Variants in CBLL1 observed in about 807,000 individuals in gnomAD.
The protein encoded by CBLL1 is E3 ubiquitin-protein ligase Hakai.
CBLL1 carries 4 observed loss-of-function variants against 44.9 expected under a neutral mutation model. The observed-to-expected ratio is 0.09, with a 90% CI of 0.04 to 0.20. CBLL1 has a LOEUF of 0.20. Ranked by LOEUF, CBLL1 falls within the 10% of genes least tolerant of loss-of-function variation. The pLI, the probability that CBLL1 is intolerant of heterozygous loss-of-function variation, is 1.00. For synonymous variants in CBLL1, 235 were observed against 202.2 expected (o/e 1.16, Z -1.38); for missense variants, 569 against 636.7 (o/e 0.89, Z 1.14).
intron 1 of CBLL1, 70 bp from the exon 2 acceptor site, chr7:107,748,810 A>G (rs1284349821): frequency 7.4e-7 from 1 of 1,352,912 alleles, no homozygotes; most frequent in Non-Finnish European, 1.0e-6. Context: ...ATGGTGTTTT[A>G]ATACCTGTGG....
intron 1 of CBLL1, chr7:107,744,610 A>G (rs1792917433): frequency 5.5e-6 from 1 of 181,906 alleles, no homozygotes; most frequent in Non-Finnish European, 1.1e-5. Flanking sequence ...TGTCTCAGTC[A>G]GCTTTGGGCG....
chr7:107,755,337 A>G (rs1198539683), intron 4 of CBLL1, 81 bp from the exon 5 acceptor site: 3 of 562,698 alleles, frequency 5.3e-6, no homozygotes, highest in Non-Finnish European at 8.1e-6. Flanking sequence ...TCTAAGCCTT[A>G]TGTATAGGTT....
In CBLL1 at chr7:107,758,130, C is replaced by T; in HGVS notation, c.441-13C>T. ...TCTTTTAGTAAATCACATTTCTTTC[C>T]CTTCTAATTTAGCTGTAGTGATCCT... is the stretch of plus-strand genomic sequence containing the variant. On this transcript the variant is annotated splice_polypyrimidine_tract_variant and intron_variant, in intron 5 of 5. Coordinates refer to ENST00000440859, the MANE Select transcript of CBLL1 (RefSeq NM_024814.4). The surrounding 1 kb of genome is among the most constrained non-coding windows in gnomAD (Gnocchi z 4.2). The T allele has an allele frequency of 5.2e-6, 8 of 1,541,688 alleles. No homozygotes were observed. Among genetic ancestry groups the T allele is most frequent in the South Asian group, 2.5e-5 (2 of 80,820 alleles).
Position 107,759,832 on chromosome 7 carries a change from G to A in CBLL1, c.*654G>A, listed in dbSNP as rs1584391914. The A allele has an allele frequency of 6.6e-6, 1 of 152,246 alleles. No individual in the cohort carries two copies. The highest frequency in any genetic ancestry group is 1.5e-5 in the Non-Finnish European group (1 of 67,990). 9.4% of individuals were successfully genotyped at this position (152,246 alleles called of 1,614,324 possible). ...TTTTCATTTTTAGGCAGCCTCAGGA[G>A]CACCAAAATACATTGGAATTCTAGT... is the stretch of plus-strand genomic sequence containing the variant. On this transcript the variant is annotated 3_prime_UTR_variant, in exon 6 of 6. Coordinates refer to ENST00000440859, the MANE Select transcript of CBLL1 (RefSeq NM_024814.4).
chr7:107,752,198 CA>C (rs796995157), intron 2 of CBLL1, among the ~76,000 whole-genome samples: 1,666 of 56,246 alleles, frequency 0.03, 17 homozygotes, highest in African/African-American at 0.079. Context: ...GACTCTGTCT[CA>C]AAAAAAAAAA....
intron 1 of CBLL1, among the ~76,000 whole-genome samples, chr7:107,748,070 C>T (rs1330135084): frequency 1.3e-5 from 2 of 152,104 alleles, no homozygotes; most frequent in Non-Finnish European, 2.9e-5. Flanking sequence ...TAGATGGAGT[C>T]AGTTCTATGA....
chr7:107,744,684 G>A (rs1480774769), intron 1 of CBLL1: 2 of 157,472 alleles, frequency 1.3e-5, no homozygotes, highest in Non-Finnish European at 2.8e-5. Context: ...GGTGAAAGAA[G>A]GGAGTCTGAT....
rs1399863020 is a variant in CBLL1, at chr7:107,758,601, A to C, written c.899A>C (p.Asp300Ala). ...TTAATAACCGTCCCTATTCAGGATG[A>C]CTCAAATTCAGGTGCTAGAGAACCA... ...SNLITVPIQD[D>A]SNSGAREPPP... Residue 300 changes from aspartate (D) to alanine (A), a missense_variant, in exon 6 of 6, where the codon GAC becomes GCC. Asp to Ala is a moderately radical substitution (Grantham distance 126). Around this residue, in one of 5 missense-constraint regions of CBLL1, gnomAD observed 228 missense variants for 253.2 expected, o/e 0.90. Transcript: ENST00000440859. The surrounding 1 kb of genome is among the most constrained non-coding windows in gnomAD (Gnocchi z 4.2). 6.2e-7 allele frequency: 1 copy of C among 1,613,806 alleles called. No individual in the cohort carries two copies. Among genetic ancestry groups the C allele is most frequent in the Non-Finnish European group, 8.5e-7 (1 of 1,179,988 alleles).
chr7:107,757,891 T>C (rs534630317), intron 5 of CBLL1, among the ~76,000 whole-genome samples: 2 of 152,192 alleles, frequency 1.3e-5, no homozygotes, highest in South Asian at 4.1e-4. Context: ...TTGGGAAGAA[T>C]GAGGTCTCTT....
At chr7:107,746,936 C>A (rs1793050874) in intron 1 of CBLL1, among the ~76,000 whole-genome samples, 1 of 152,196 alleles carries the variant, frequency 6.6e-6, no homozygotes, top group African/African-American at 2.4e-5. Context: ...AATCCCCAAT[C>A]TTTTTTAAAC....
intron 1 of CBLL1, chr7:107,744,473 C>T (rs957320698): frequency 2.5e-6 from 1 of 406,308 alleles, no homozygotes; most frequent in Non-Finnish European, 4.4e-6. Context: ...AGCCCCGGCT[C>T]TGTTTTATTT....
chr7:107,757,993 G>T (rs1793603953), intron 5 of CBLL1, 150 bp from the exon 6 acceptor site: 1 of 724,012 alleles, frequency 1.4e-6, no homozygotes, highest in Non-Finnish European at 2.2e-6. Context: ...GAAGATTAAA[G>T]GTTTGCGTAG....
Position 107,758,153 on chromosome 7 carries a change from C to G in CBLL1, c.451C>G (p.Pro151Ala), listed in dbSNP as rs1278227173. ...TCCCTTCTAATTTAGCTGTAGTGAT[C>G]CTGTGCAGCGAATTGAGCAGTGTAC... Reference protein sequence around the residue: ...GDKMCPGCSDPVQRIEQCTRG... With the variant: ...GDKMCPGCSDAVQRIEQCTRG... The change falls in exon 6 of 6, where the codon CCT (proline) becomes GCT (alanine). Residue 151 changes from proline (P) to alanine (A), a missense_variant. This residue lies in a region of CBLL1 where 209 missense variants were observed against 202.8 expected (regional missense o/e 1.03). Transcript: ENST00000440859. The surrounding 1 kb of genome is among the most constrained non-coding windows in gnomAD (Gnocchi z 4.2). 4 of 1,598,636 alleles carry G rather than the reference C, an allele frequency of 2.5e-6. No individual in the cohort carries two copies. Among genetic ancestry groups the G allele is most frequent in the Non-Finnish European group, 2.6e-6 (3 of 1,169,152 alleles).
At chr7:107,753,192 A>G (rs774154325) in intron 2 of CBLL1, among the ~76,000 whole-genome samples, 6 of 152,202 alleles carry the variant, frequency 3.9e-5, no homozygotes, top group Non-Finnish European at 7.4e-5. Context: ...GTCTCCATAC[A>G]GTAATATTCT....
In CBLL1 at chr7:107,754,446, C is replaced by A. The variant is rs1793440484; in HGVS notation, c.366+468C>A. 2.6e-5 allele frequency among the ~76,000 whole-genome samples: 4 copies of A among 151,728 alleles called. No homozygotes were observed. The South Asian group carries it at 8.3e-4, about 31-fold the overall frequency. On this transcript the variant is annotated intron_variant, in intron 4 of 5. Transcript: ENST00000440859. ...ATAATCATTAAAAAAATTTTACAAT[C>A]CTAACTGTAATTTTATAGTAATTTT...
chr7:107,749,094 AT>A, intron 2 of CBLL1, 47 bp downstream of exon 2: 1 of 1,574,288 alleles, frequency 6.4e-7, no homozygotes, highest in Non-Finnish European at 8.7e-7. Context: ...GTTTTATCTG[AT>A]TGCTTCGGAC....
chr7:107,752,442 C>CTT (rs1793346193), intron 2 of CBLL1: 1 of 421,444 alleles, frequency 2.4e-6, no homozygotes, highest in Admixed American at 3.2e-5. Context: ...GTGAATGTGT[C>CTT]TCTCTGTGTG....
At chr7:107,753,597 A>C in intron 3 of CBLL1, 86 bp downstream of exon 3, 1 of 677,098 alleles carries the variant, frequency 1.5e-6, no homozygotes, top group Non-Finnish European at 2.4e-6. Context: ...AGTAATGCAC[A>C]GTACATTAAG....
intron 1 of CBLL1, 96 bp from the exon 2 acceptor site, chr7:107,748,784 C>T: frequency 9.9e-7 from 1 of 1,010,174 alleles, no homozygotes; most frequent in Non-Finnish European, 1.4e-6. Context: ...GATCTTTAAC[C>T]TTGATAATGT....
Sources: gnomAD v4.1 joint callset for allele counts (sites outside exome capture counted in the v4.1 genomes callset) on GRCh38, gnomAD v4.1.1 for gene constraint, gnomAD v4.1.1 regional missense constraint, Gnocchi (gnomAD v3.1) non-coding constraint, MANE v1.5 for transcripts, NCBI Gene and HGNC (gene_info 2026-07-23, HGNC 2026-07-21) for gene names.